The following FYCO1 variants were observed in gnomAD, a reference collection of about 807,000 sequenced individuals.
The protein encoded by FYCO1 is FYVE and coiled-coil domain-containing protein 1.
FYCO1 carries 122 observed loss-of-function variants against 165.1 expected under a neutral mutation model. The observed-to-expected ratio is 0.74, with a 90% CI of 0.64 to 0.86. The LOEUF (loss-of-function observed/expected upper bound fraction) is 0.86, where lower values mean the gene tolerates loss of function less well. FYCO1 is among the 40% of genes least tolerant of loss of function. FYCO1 has a pLI of 0.00. For synonymous variants in FYCO1, 648 were observed against 742.5 expected (o/e 0.87, Z 2.07); for missense variants, 1,702 against 1,810.3 (o/e 0.94, Z 1.09).
At chr3:45,947,209 C>T in intron 14 of FYCO1, 1 of 1,614,144 alleles carries the variant, frequency 6.2e-7, no homozygotes, top group Non-Finnish European at 8.5e-7. Flanking sequence ...TTCCTGCTGA[C>T]CCAGATGCCC....
chr3:45,950,602 G>C (rs1374571571), intron 14 of FYCO1, among the ~76,000 whole-genome samples: 1 of 152,148 alleles, frequency 6.6e-6, no homozygotes, highest in African/African-American at 2.4e-5. Flanking sequence ...CCCCCTTCCA[G>C]CTGCCTAGTC....
At position 45,993,208 on chromosome 3, in the gene FYCO1, A is replaced by T. The variant is rs971788408; in HGVS notation, c.-113+2514T>A. Among the ~76,000 whole-genome samples, 3 of 152,152 alleles carry T rather than the reference A, an allele frequency of 2.0e-5. No individual in the cohort carries two copies. Among genetic ancestry groups the T allele is most frequent in the Non-Finnish European group, 4.4e-5 (3 of 68,020 alleles). On this transcript the variant is annotated intron_variant, in intron 1 of 17. Coordinates refer to ENST00000296137, the MANE Select transcript of FYCO1 (RefSeq NM_024513.4). This position sits in a 1 kb window ranked among gnomAD's most constrained non-coding sequence, Gnocchi z 4.4. ...TTGGTGCCTTTCAAATGCCACAGAG[A>T]TCCAAGTGAACAGGAAGGACCACTG...
At chr3:45,953,170 T>A (rs1705125746) in intron 14 of FYCO1, among the ~76,000 whole-genome samples, 2 of 152,180 alleles carry the variant, frequency 1.3e-5, no homozygotes, top group South Asian at 4.1e-4. Context: ...GGCAGCGTCA[T>A]GAAGATTAAA....
At chr3:45,936,699 G>A (rs1327932456) in intron 14 of FYCO1, among the ~76,000 whole-genome samples, 156 bp from the exon 15 acceptor site, 1 of 152,166 alleles carries the variant, frequency 6.6e-6, no homozygotes, top group Non-Finnish European at 1.5e-5. Flanking sequence ...GGCAGATTTT[G>A]TGGGTAGAGG....
In FYCO1 at chr3:45,955,365, G is replaced by A. The variant is rs753015266; in HGVS notation, c.3828C>T (p.Asp1276=). Residue 1276 remains aspartate, a synonymous_variant, in exon 14 of 18, where the codon GAC becomes GAT. Transcript: ENST00000296137. ...CTGTGATGATATCAAACACAGCGTCGTCCGGTGGCCTGTAGTCTGTATTTG... is the reference window on the plus strand; with the variant it reads ...CTGTGATGATATCAAACACAGCGTCATCCGGTGGCCTGTAGTCTGTATTTG... ...QGANTDYRPP[D]DAVFDIITDE... 1.4e-5 allele frequency: 23 copies of A among 1,614,022 alleles called. No homozygotes were observed. The highest frequency in any genetic ancestry group is 1.6e-4 in the Middle Eastern group (1 of 6,084).
At chr3:45,985,585 GTCGT>G (rs1387318398) in intron 1 of FYCO1, among the ~76,000 whole-genome samples, 75 of 152,222 alleles carry the variant, frequency 4.9e-4, no homozygotes, top group African/African-American at 1.5e-3. Context: ...GGTCCCCTTC[GTCGT>G]GAGGCTTGAA....
At chr3:45,921,985 C>T (rs1264783310) in intron 17 of FYCO1, 145 bp from the exon 18 acceptor site, 1 of 701,400 alleles carries the variant, frequency 1.4e-6, no homozygotes, top group East Asian at 2.7e-5. Flanking sequence ...TCCTGTCTGT[C>T]TAGTGGAGTT....
At position 45,967,855 on chromosome 3, in the gene FYCO1, C is replaced by A; in HGVS notation, c.1479G>T (p.Glu493Asp). The A allele has an allele frequency of 1.2e-6, 2 of 1,614,078 alleles. No individual in the cohort carries two copies. Among genetic ancestry groups the A allele is most frequent in the Non-Finnish European group, 1.7e-6 (2 of 1,179,998 alleles). Reference protein sequence around the residue: ...WEEELAELRREKKQQQEEKEL... With the variant: ...WEEELAELRRDKKQQQEEKEL... ...CCTTCTCCTCCTGTTGCTGTTTTTT[C>A]TCCCGCCTCAACTCTGCTAGCTCCT... The change falls in exon 8 of 18, where the codon GAG becomes GAT. Residue 493 changes from glutamate (E) to aspartate (D), a missense_variant. By Grantham distance (45) the Glu-to-Asp change is conservative. Coordinates refer to ENST00000296137, the MANE Select transcript of FYCO1 (RefSeq NM_024513.4).
chr3:45,936,654 G>T (rs1448058027), intron 14 of FYCO1, 111 bp from the exon 15 acceptor site: 1 of 789,924 alleles, frequency 1.3e-6, no homozygotes. Context: ...ATGCATGGGG[G>T]ATCCTTTAAT....
chr3:45,969,819 T>C (rs373408508), intron 6 of FYCO1, 54 bp from the exon 7 acceptor site: 257 of 1,479,600 alleles, frequency 1.7e-4, no homozygotes, highest in Non-Finnish European at 2.2e-4. Flanking sequence ...ACCTAACACA[T>C]GGAGGCCTTG....
intron 1 of FYCO1, 31 bp from the exon 2 acceptor site, chr3:45,985,053 A>G: frequency 1.3e-6 from 1 of 784,228 alleles, no homozygotes; most frequent in Non-Finnish European, 2.3e-6. Flanking sequence ...CCATGGAGGA[A>G]GCAGATACAG....
intron 3 of FYCO1, 68 bp downstream of exon 3, chr3:45,981,502 G>T: frequency 2.0e-6 from 2 of 1,005,528 alleles, no homozygotes; most frequent in Non-Finnish European, 3.2e-6. Flanking sequence ...CTTGAATGCT[G>T]ATGAGTCACC....
At position 45,955,027 on chromosome 3, in the gene FYCO1, T is replaced by G. The variant is rs111374848; in HGVS notation, c.3944+222A>C. Among the ~76,000 whole-genome samples the G allele has an allele frequency of 0.022, 3,415 of 152,294 alleles. 133 individuals carry two copies. The highest frequency in any genetic ancestry group is 0.076 in the African/African-American group (3,143 of 41,538). On this transcript the variant is annotated intron_variant, in intron 14 of 17. Transcript: ENST00000296137. ...GAAAGACAGGCCTTAATAGTGATGC[T>G]GAAACCTGGGGCCACTGACATCTCT... is the stretch of plus-strand genomic sequence containing the variant.
At chr3:45,970,030 T>C (rs1706331500) in intron 6 of FYCO1, among the ~76,000 whole-genome samples, 2 of 152,232 alleles carry the variant, frequency 1.3e-5, no homozygotes, top group Admixed American at 1.3e-4. Flanking sequence ...CACTATTTGG[T>C]TTAAATTTTC....
chr3:45,946,678 C>T lies in FYCO1; in HGVS notation c.3944+8571G>A, dbSNP rs184374371. ...TTCTACCATAAGTTGCAGAGCCTGA[C>T]GGATGTGTTCCTGGTGAACCTACCC... On this transcript the variant is annotated intron_variant, in intron 14 of 17. Transcript: ENST00000296137. 109 of 1,614,214 alleles carry T rather than the reference C, an allele frequency of 6.8e-5. No homozygotes were observed. The highest frequency in any genetic ancestry group is 3.3e-4 in the Middle Eastern group (2 of 6,062).
intron 5 of FYCO1, 59 bp downstream of exon 5, chr3:45,975,180 G>T (rs2125861949): frequency 1.8e-6 from 2 of 1,116,834 alleles, no homozygotes; most frequent in South Asian, 2.5e-5. Context: ...TATTATTAAT[G>T]AACTTTAGTT....
At chr3:45,970,332 C>G (rs1706351463) in intron 6 of FYCO1, among the ~76,000 whole-genome samples, 1 of 152,240 alleles carries the variant, frequency 6.6e-6, no homozygotes, top group Admixed American at 6.5e-5. Flanking sequence ...CACATTTTTA[C>G]TTCATCAGAA....
rs56249293 is a variant in FYCO1, at chr3:45,956,337, AAAATAAATAAATAAATAAAT to A, written c.3800-964_3800-945del. On this transcript the variant is annotated intron_variant, in intron 13 of 17. Coordinates refer to ENST00000296137, the MANE Select transcript of FYCO1 (RefSeq NM_024513.4). Reference sequence around the variant, plus strand: ...AGAAACAGAGCAAGACTTAGTCTCAAAAATAAATAAATAAATAAATAAATAAATAAATAAATAAATAAATG... The same window carrying A: ...AGAAACAGAGCAAGACTTAGTCTCAAAAATAAATAAATAAATAAATAAATG... Among the ~76,000 whole-genome samples, 118 of 149,282 alleles carry A rather than the reference AAAATAAATAAATAAATAAAT, an allele frequency of 7.9e-4. 1 individual carries two copies. Among genetic ancestry groups the A allele is most frequent in the Non-Finnish European group, 1.4e-3 (93 of 67,604 alleles).
chr3:45,952,462 C>T (rs548099446), intron 14 of FYCO1, among the ~76,000 whole-genome samples: 11 of 152,042 alleles, frequency 7.2e-5, no homozygotes, highest in Non-Finnish European at 1.3e-4. Flanking sequence ...AGCTAATGCA[C>T]AAAAAAAGTG....
Sources: allele counts gnomAD v4.1 joint callset (sites outside exome capture counted in the v4.1 genomes callset), GRCh38; gene constraint gnomAD v4.1.1; non-coding constraint Gnocchi (gnomAD v3.1); transcripts MANE v1.5; gene names NCBI Gene and HGNC (gene_info 2026-07-23, HGNC 2026-07-21).